ZNF536: variants seen among roughly 807,000 people sequenced by gnomAD.
The protein encoded by ZNF536 is zinc finger protein 536.
In ZNF536, 13 loss-of-function variants were observed where a neutral mutation model predicts 84.5. That is an observed-to-expected ratio of 0.15 (90% CI 0.10 to 0.24). The LOEUF is 0.24. Ranked by LOEUF, ZNF536 falls within the 10% of genes least tolerant of loss-of-function variation. The pLI is 1.00. For synonymous variants in ZNF536, 811 were observed against 742.5 expected (o/e 1.09, Z -1.50); for missense variants, 1,536 against 1,747.5 (o/e 0.88, Z 2.16).
At chr19:30,642,919 C>A (rs895512002) in intron 1 of ZNF536, among the ~76,000 whole-genome samples, 1 of 152,184 alleles carries the variant, frequency 6.6e-6, no homozygotes, top group Non-Finnish European at 1.5e-5. Flanking sequence ...AGGTGTCTGT[C>A]TAACAATGGC....
At chr19:30,443,039 G>GT (rs2052129407) in intron 1 of ZNF536, among the ~76,000 whole-genome samples, 1 of 98,670 alleles carries the variant, frequency 1.0e-5, no homozygotes. Flanking sequence ...AGTGTTTTTT[G>GT]TTTGTTTTTT....
upstream of ZNF536, among the ~76,000 whole-genome samples, chr19:30,370,896 T>C (rs977997047): frequency 6.6e-6 from 1 of 152,254 alleles, no homozygotes; most frequent in Non-Finnish European, 1.5e-5. Context: ...GCATTTTAGC[T>C]TCTTTGTGCT....
chr19:30,492,421 G>C (rs1416909815), intron 2 of ZNF536, among the ~76,000 whole-genome samples: 1 of 152,104 alleles, frequency 6.6e-6, no homozygotes, highest in Non-Finnish European at 1.5e-5. Context: ...CATTTCTGGG[G>C]AATGTTTGTT....
At chr19:30,702,275 A>C (rs1301571991) in intron 1 of ZNF536, among the ~76,000 whole-genome samples, 2 of 152,222 alleles carry the variant, frequency 1.3e-5, no homozygotes, top group African/African-American at 4.8e-5. Context: ...GACCCTCCGC[A>C]CTGTATACAT....
intron 1 of ZNF536, among the ~76,000 whole-genome samples, chr19:30,656,772 G>A (rs2049931012): frequency 6.6e-6 from 1 of 152,208 alleles, no homozygotes; most frequent in South Asian, 2.1e-4. Context: ...AGGCCACCAA[G>A]CCAGTGTCAT....
rs535411946 is a variant in ZNF536 at position 30,511,158 on chromosome 19, A to G, written c.2171-23689A>G. Among the ~76,000 whole-genome samples the G allele has an allele frequency of 2.0e-5, 3 of 152,168 alleles. No homozygotes were observed. In the East Asian group the frequency reaches 5.8e-4, roughly 30 times the overall value. ...CTCCTGGCAGAGCATCCGGAAGGTG[A>G]TGTGGCTTGGCGAGGCTTTTTCCTT... is the stretch of plus-strand genomic sequence containing the variant. On this transcript the variant is annotated intron_variant, in intron 2 of 4. Coordinates refer to ENST00000355537, the MANE Select transcript of ZNF536 (RefSeq NM_014717.3).
intron 1 of ZNF536, among the ~76,000 whole-genome samples, chr19:30,230,891 G>A (rs1222955830): frequency 6.6e-6 from 1 of 152,040 alleles, no homozygotes; most frequent in African/African-American, 2.4e-5. Flanking sequence ...AGTTGGCTGT[G>A]AATGGCACAG....
chr19:30,558,766 G>A (rs376904163), downstream of ZNF536, among the ~76,000 whole-genome samples: 2 of 152,240 alleles, frequency 1.3e-5, no homozygotes, highest in South Asian at 2.1e-4. Context: ...TTCTTTGCTT[G>A]GATGTGTTTT....
At chr19:30,431,514 C>T (rs2051458318) in intron 1 of ZNF536, among the ~76,000 whole-genome samples, 1 of 152,156 alleles carries the variant, frequency 6.6e-6, no homozygotes, top group Non-Finnish European at 1.5e-5. Context: ...TCTCCCTGGG[C>T]CGACTTCTAT....
At chr19:30,368,620 A>G (rs562755136), upstream of ZNF536, among the ~76,000 whole-genome samples, 1 of 152,238 alleles carries the variant, frequency 6.6e-6, no homozygotes, top group Non-Finnish European at 1.5e-5. Flanking sequence ...CTATTTTTAC[A>G]TGAAACTCAA....
chr19:30,640,424 T>C (rs1395405173), intron 1 of ZNF536, among the ~76,000 whole-genome samples: 1 of 152,190 alleles, frequency 6.6e-6, no homozygotes, highest in Non-Finnish European at 1.5e-5. Context: ...TCCTCCCCTG[T>C]TTGGCAATCA....
chr19:30,504,442 T>TCCTC (rs1568493460), intron 2 of ZNF536, among the ~76,000 whole-genome samples: 2 of 87,840 alleles, frequency 2.3e-5, no homozygotes, highest in African/African-American at 6.2e-5. Flanking sequence ...CTTCCTTCCT[T>TCCTC]CCTCCCTTCC....
At position 30,305,994 on chromosome 19, in the gene ZNF536, A is replaced by G. The variant is rs549133658; in HGVS notation, c.-120+21853A>G. 1.2e-4 allele frequency among the ~76,000 whole-genome samples: 18 copies of G among 152,340 alleles called. 2 individuals are homozygous for G. In the South Asian group the frequency reaches 3.7e-3, roughly 32 times the overall value. ...GGTTTTTTTCCCCCCTCCAAATTTT[A>G]ATATCAGATTCATTTATTATGCTGA... On this transcript the variant is annotated intron_variant, in intron 2 of 5. Transcript: ENST00000585628.
intron 1 of ZNF536, among the ~76,000 whole-genome samples, chr19:30,230,996 G>A (rs2022998855): frequency 6.6e-6 from 1 of 151,170 alleles, no homozygotes; most frequent in African/African-American, 2.4e-5. Flanking sequence ...TATAAGAAGA[G>A]TATCATAAAA....
chr19:30,371,143 C>T (rs1040460879), upstream of ZNF536, among the ~76,000 whole-genome samples: 9 of 152,132 alleles, frequency 5.9e-5, no homozygotes, highest in East Asian at 9.6e-4. Context: ...TTCTAAATAC[C>T]GAACCAGAAC....
intron 1 of ZNF536, among the ~76,000 whole-genome samples, chr19:30,634,222 T>A (rs1454528545): frequency 6.6e-6 from 1 of 152,176 alleles, no homozygotes; most frequent in East Asian, 1.9e-4. Flanking sequence ...TTTCTCCGAT[T>A]GTTGTGCCGT....
At chr19:30,351,720 G>A (rs774557622) in intron 2 of ZNF536, among the ~76,000 whole-genome samples, 8 of 152,198 alleles carry the variant, frequency 5.3e-5, no homozygotes, top group Non-Finnish European at 1.0e-4. Context: ...TGACACAGAT[G>A]GACTGGTGAT....
At chr19:30,497,214 G>C (rs2054757718) in intron 2 of ZNF536, among the ~76,000 whole-genome samples, 1 of 152,160 alleles carries the variant, frequency 6.6e-6, no homozygotes, top group African/African-American at 2.4e-5. Context: ...AGTCATCAAT[G>C]ATGCTCTTGA....
chr19:30,493,762 T>A (rs979067621), intron 2 of ZNF536, among the ~76,000 whole-genome samples: 1 of 152,200 alleles, frequency 6.6e-6, no homozygotes, highest in Non-Finnish European at 1.5e-5. Context: ...ACTTAGGGGC[T>A]GTTCCTCAGC....
Sources: allele counts gnomAD v4.1 joint callset (sites outside exome capture counted in the v4.1 genomes callset), GRCh38; gene constraint gnomAD v4.1.1; transcripts MANE v1.5; gene names NCBI Gene and HGNC (gene_info 2026-07-23, HGNC 2026-07-21).